The following TMTC3 variants were observed in gnomAD, a reference collection of about 807,000 sequenced individuals.
TMTC3 encodes the protein transmembrane O-mannosyltransferase targeting cadherins 3, also known as protein O-mannosyl-transferase TMTC3.
In TMTC3, 52 loss-of-function variants were observed where a neutral mutation model predicts 92.2. The observed-to-expected ratio is 0.56, with a 90% CI of 0.45 to 0.71. The LOEUF (loss-of-function observed/expected upper bound fraction) is 0.71. Among genes scored for constraint, TMTC3 ranks in the 30% least tolerant of loss-of-function variants. The probability of loss-of-function intolerance (pLI) is 0.00; values close to 1 mark genes in which losing one functional copy is unlikely to be tolerated. For synonymous variants in TMTC3, 339 were observed against 363.3 expected (o/e 0.93, Z 0.76); for missense variants, 896 against 1,057.1 (o/e 0.85, Z 2.11).
intron 12 of TMTC3, 38 bp downstream of exon 12, chr12:88,190,660 T>C: frequency 1.3e-6 from 2 of 1,591,220 alleles, no homozygotes; most frequent in Non-Finnish European, 1.7e-6. Flanking sequence ...TTATGGAATA[T>C]TGAAACTGCA....
rs140801921 is a variant in TMTC3 at position 88,185,771 on chromosome 12, A to C, written c.1433-3072A>C. ...ACACAAGTAAATGTTGGATTCTGTC[A>C]AATGCTTTTGTGCACCATTTGAGAT... On this transcript the variant is annotated intron_variant, in intron 10 of 13. Transcript: ENST00000266712. Among the ~76,000 whole-genome samples the C allele has an allele frequency of 9.5e-3, 1,445 of 152,108 alleles. 11 individuals carry two copies. Among genetic ancestry groups the C allele is most frequent in the Non-Finnish European group, 0.016 (1,082 of 67,922 alleles).
At chr12:88,181,311 G>A (rs1481730211) in intron 10 of TMTC3, among the ~76,000 whole-genome samples, 6 of 152,152 alleles carry the variant, frequency 3.9e-5, no homozygotes, top group Admixed American at 3.9e-4. Context: ...AATAACATTT[G>A]TTTGCCATAA....
intron 10 of TMTC3, among the ~76,000 whole-genome samples, chr12:88,179,393 T>G (rs771911298): frequency 6.6e-6 from 1 of 152,240 alleles, no homozygotes; most frequent in Non-Finnish European, 1.5e-5. Context: ...TTTAGTTCAA[T>G]CACTCTAAGT....
chr12:88,195,684 C>A lies in TMTC3; in HGVS notation c.*35C>A. ...TTATCGTGACAATGGTATCAAAGAA[C>A]ATCAATCCGTATCATGTGATTGCTT... On this transcript the variant is annotated 3_prime_UTR_variant, in exon 14 of 14. Transcript: ENST00000266712. 6.6e-7 allele frequency: 1 copy of A among 1,522,176 alleles called. No individual in the cohort carries two copies. The highest frequency in any genetic ancestry group is 1.4e-5 in the African/African-American group (1 of 71,786). 94.3% of individuals were successfully genotyped at this position (1,522,176 alleles called of 1,614,324 possible).
chr12:88,198,739 G>A lies in TMTC3; in HGVS notation c.*3090G>A, dbSNP rs1284924328. ...TGCTTTAAAGATGCTTTAATGAAAAGTATTAAGAAAATATATAGATTTGTA... is the reference window on the plus strand; with the variant it reads ...TGCTTTAAAGATGCTTTAATGAAAAATATTAAGAAAATATATAGATTTGTA... On this transcript the variant is annotated 3_prime_UTR_variant, in exon 14 of 14. Coordinates refer to ENST00000266712, the MANE Select transcript of TMTC3 (RefSeq NM_181783.4). The A allele has an allele frequency of 4.5e-6, 1 of 221,298 alleles. No homozygotes were observed. Among genetic ancestry groups the A allele is most frequent in the Non-Finnish European group, 8.7e-6 (1 of 114,544 alleles). 13.7% of individuals were successfully genotyped at this position (221,298 alleles called of 1,614,324 possible).
In TMTC3 at chr12:88,198,208, T is replaced by C; in HGVS notation, c.*2559T>C. 2.5e-6 allele frequency: 1 copy of C among 396,476 alleles called. No homozygotes were observed. The highest frequency in any genetic ancestry group is 4.4e-6 in the Non-Finnish European group (1 of 224,800). The allele number at this position is 396,476 out of a possible 1,614,324, so 24.6% of individuals were successfully genotyped here. On this transcript the variant is annotated 3_prime_UTR_variant, in exon 14 of 14. Coordinates refer to ENST00000266712, the MANE Select transcript of TMTC3 (RefSeq NM_181783.4). ...AGGTGAGAAAACATAATGGATTTTT[T>C]TTTTTTTCCTCTGGAGCTGCCTGTT...
intron 9 of TMTC3, 91 bp downstream of exon 9, chr12:88,174,818 C>T: frequency 6.8e-7 from 1 of 1,469,362 alleles, no homozygotes; most frequent in Non-Finnish European, 9.4e-7. Flanking sequence ...TTTAATTAGA[C>T]ATTTAACAGT....
At position 88,195,394 on chromosome 12, in the gene TMTC3, C is replaced by T. The variant is rs758189383; in HGVS notation, c.2490C>T (p.Thr830=). ...GTTTTATAGAGCCAATATTCCCAAC[C>T]AGTAAGATTTCAAGTGTGGAAGGAA... is the stretch of plus-strand genomic sequence containing the variant. ...SSSFIEPIFP[T]SKISSVEGKK... The change falls in exon 14 of 14, where the codon ACC becomes ACT. Residue 830 remains threonine, a synonymous_variant. Coordinates refer to ENST00000266712, the MANE Select transcript of TMTC3 (RefSeq NM_181783.4). 4 of 1,613,622 alleles carry T rather than the reference C, an allele frequency of 2.5e-6. No homozygotes were observed. Among genetic ancestry groups the T allele is most frequent in the African/African-American group, 2.7e-5 (2 of 74,856 alleles).
Position 88,192,926 on chromosome 12 carries a change from G to A in TMTC3, c.1933+96G>A. The A allele has an allele frequency of 1.4e-5, 14 of 974,104 alleles. No homozygotes were observed. In the South Asian group the frequency reaches 2.4e-4, roughly 17 times the overall value. The allele number at this position is 974,104 out of a possible 1,614,324, so 60.3% of individuals were successfully genotyped here. ...TTATTACCCATAGCAAACACTTTATGTATTGACAGTTTATAGCAATACTGT... is the reference window on the plus strand; with the variant it reads ...TTATTACCCATAGCAAACACTTTATATATTGACAGTTTATAGCAATACTGT... On this transcript the variant is annotated intron_variant, in intron 13 of 13. Transcript: ENST00000266712.
rs1361923459 is a variant in TMTC3 at position 88,197,994 on chromosome 12, TAA to T, written c.*2346_*2347del. 4.8e-6 allele frequency: 1 copy of T among 209,782 alleles called. No homozygotes were observed. The highest frequency in any genetic ancestry group is 9.4e-6 in the Non-Finnish European group (1 of 106,492). The allele number at this position is 209,782 out of a possible 1,614,324, so 13.0% of individuals were successfully genotyped here. A position where few individuals can be genotyped will look rare whatever the true frequency, so the allele number is the denominator to read the frequency against. ...GAAAATGCTTTTATTTCTCCCATGTTAACTTTTAAAACTAGTAATGTACCCAG... is the reference window on the plus strand; with the variant it reads ...GAAAATGCTTTTATTTCTCCCATGTTCTTTTAAAACTAGTAATGTACCCAG... On this transcript the variant is annotated 3_prime_UTR_variant, in exon 14 of 14. Transcript: ENST00000266712.
intron 7 of TMTC3, among the ~76,000 whole-genome samples, chr12:88,168,248 C>A (rs1364183732): frequency 6.6e-6 from 1 of 152,152 alleles, no homozygotes; most frequent in African/African-American, 2.4e-5. Flanking sequence ...GATTGGACTT[C>A]TTTTAGTCTG....
chr12:88,199,864 A>G lies in TMTC3; in HGVS notation c.*4215A>G, dbSNP rs192071841. 2.6e-5 allele frequency: 4 copies of G among 152,310 alleles called. No homozygotes were observed. The highest frequency in any genetic ancestry group is 6.5e-5 in the Admixed American group (1 of 15,292). The allele number at this position is 152,310 out of a possible 1,614,324, so 9.4% of individuals were successfully genotyped here. A position where few individuals can be genotyped will look rare whatever the true frequency, so the allele number is the denominator to read the frequency against. On this transcript the variant is annotated 3_prime_UTR_variant, in exon 14 of 14. Transcript: ENST00000266712. ...GTGATGCTTTCATGTTTCTGCCTTAAATAAAATAACCCTCAAAAAACCATT... is the reference window on the plus strand; with the variant it reads ...GTGATGCTTTCATGTTTCTGCCTTAGATAAAATAACCCTCAAAAAACCATT...
chr12:88,145,600 G>T (rs1044696162), intron 1 of TMTC3, among the ~76,000 whole-genome samples: 11 of 151,692 alleles, frequency 7.3e-5, no homozygotes, highest in Non-Finnish European at 1.6e-4. Context: ...GATTTTGAGG[G>T]CTTCAGTATT....
chr12:88,162,011 A>G (rs1417260750), intron 6 of TMTC3, among the ~76,000 whole-genome samples: 1 of 152,012 alleles, frequency 6.6e-6, no homozygotes, highest in Non-Finnish European at 1.5e-5. Context: ...CCTTTGTTGG[A>G]TAAGATTTTT....
intron 11 of TMTC3, 52 bp downstream of exon 11, chr12:88,188,998 G>T: frequency 1.0e-6 from 1 of 955,220 alleles, no homozygotes; most frequent in South Asian, 1.5e-5. Context: ...TGTCCATATT[G>T]AATAGAATTA....
Position 88,192,677 on chromosome 12 carries a change from A to C in TMTC3, c.1780A>C (p.Arg594=). 6.2e-7 allele frequency: 1 copy of C among 1,613,528 alleles called. No individual in the cohort carries two copies. The highest frequency in any genetic ancestry group is 2.2e-5 in the East Asian group (1 of 44,730). Residue 594 remains arginine (R), a synonymous_variant, in exon 13 of 14, where the codon AGA becomes CGA. Transcript: ENST00000266712. ...EAYLKALELD[R]NNADLWYNLA... The stretch of plus-strand genomic sequence containing the variant: ...ATATCTTAAAGCACTAGAGCTGGAC[A>C]GAAATAATGCAGATCTTTGGTACAA...
intron 10 of TMTC3, among the ~76,000 whole-genome samples, chr12:88,188,081 T>TA (rs1278013350): frequency 2.0e-5 from 3 of 152,104 alleles, no homozygotes; most frequent in South Asian, 2.1e-4. Context: ...CACAACCTTT[T>TA]AAAAAAATCT....
chr12:88,151,463 T>C (rs2040942009), intron 2 of TMTC3, among the ~76,000 whole-genome samples: 1 of 152,200 alleles, frequency 6.6e-6, no homozygotes, highest in Non-Finnish European at 1.5e-5. Flanking sequence ...ATGATCTGAA[T>C]TGTTTTATTC....
At chr12:88,178,742 T>G (rs2041285940) in intron 10 of TMTC3, among the ~76,000 whole-genome samples, 1 of 151,986 alleles carries the variant, frequency 6.6e-6, no homozygotes. Flanking sequence ...ATTCTAAGAG[T>G]TTTTAGAGAA....
Sources: gnomAD v4.1 joint callset for allele counts (sites outside exome capture counted in the v4.1 genomes callset) on GRCh38, gnomAD v4.1.1 for gene constraint, MANE v1.5 for transcripts, NCBI Gene and HGNC (gene_info 2026-07-23, HGNC 2026-07-21) for gene names.